Variants in TP73 observed in about 807,000 individuals in gnomAD.
TP73 encodes the protein p53-like transcription factor.
Under a neutral mutation model 62.5 loss-of-function variants are expected in TP73, and 25 were observed. The ratio of observed to expected loss-of-function variants is 0.40; its 90% CI spans 0.29 to 0.56. The LOEUF (loss-of-function observed/expected upper bound fraction) is 0.56. TP73 is among the 20% of genes least tolerant of loss of function. TP73 has a pLI of 0.46. For synonymous variants in TP73, 423 were observed against 377.5 expected (o/e 1.12, Z -1.40); for missense variants, 754 against 913.3 (o/e 0.83, Z 2.25).
In TP73 at chr1:3,733,922, T is replaced by TC. The variant is rs1399252054; in HGVS notation, c.*843_*844insC. On this transcript the variant is annotated 3_prime_UTR_variant, in exon 14 of 14. Transcript: ENST00000378295. ...CCTTTTCTACATGGTGGGTCAGCTT[T>TC]TTTTTTTTTTTTTTTAACTTTCTTT... The TC allele has an allele frequency of 4.7e-5, 7 of 149,790 alleles. No homozygotes were observed. Among genetic ancestry groups the TC allele is most frequent in the African/African-American group, 1.7e-4 (7 of 40,282 alleles). The allele number at this position is 149,790 out of a possible 1,614,324, so 9.3% of individuals were successfully genotyped here. A position where few individuals can be genotyped will look rare whatever the true frequency, so the allele number is the denominator to read the frequency against.
At chr1:3,661,986 G>A (rs1645003793) in intron 1 of TP73, among the ~76,000 whole-genome samples, 1 of 151,364 alleles carries the variant, frequency 6.6e-6, no homozygotes, top group African/African-American at 2.4e-5. Context: ...TTGAAGCCCA[G>A]GAGTTGAGGC....
intron 1 of TP73, among the ~76,000 whole-genome samples, chr1:3,681,572 G>A (rs2102085543): frequency 1.3e-5 from 2 of 152,318 alleles, no homozygotes; most frequent in South Asian, 4.1e-4. Context: ...GTGGCCGGCT[G>A]CAGGACAGGG....
chr1:3,684,333 G>A lies in TP73; in HGVS notation c.186+1153G>A, dbSNP rs983097302. On this transcript the variant is annotated intron_variant, in intron 3 of 13. Coordinates refer to ENST00000378295, the MANE Select transcript of TP73 (RefSeq NM_005427.4). The stretch of plus-strand genomic sequence containing the variant: ...AACAGCGCGTCTGGGGCAGGGTCGG[G>A]CCTCCCTCACTTATGCTCAGCCCGA... Among the ~76,000 whole-genome samples the A allele has an allele frequency of 1.2e-4, 19 of 152,244 alleles. 1 individual carries two copies. The highest frequency in any genetic ancestry group is 2.5e-4 in the Non-Finnish European group (17 of 68,046).
At chr1:3,717,144 T>TGGGAG (rs1294085915) in intron 4 of TP73, among the ~76,000 whole-genome samples, 1 of 152,230 alleles carries the variant, frequency 6.6e-6, no homozygotes, top group Non-Finnish European at 1.5e-5. Context: ...TATTATCACC[T>TGGGAG]CTCCGCTGTC....
intron 1 of TP73, among the ~76,000 whole-genome samples, chr1:3,678,459 G>A (rs1458114243): frequency 2.6e-5 from 4 of 152,256 alleles, no homozygotes; most frequent in South Asian, 4.1e-4. Flanking sequence ...GGTTGGGGGA[G>A]CCCCTGCCTG....
intron 1 of TP73, among the ~76,000 whole-genome samples, chr1:3,681,307 G>T (rs1645514827): frequency 6.6e-6 from 1 of 152,202 alleles, no homozygotes; most frequent in African/African-American, 2.4e-5. Context: ...GACCTGGGAG[G>T]CTGGCCCAGG....
At chr1:3,697,278 C>T (rs890802211) in intron 3 of TP73, among the ~76,000 whole-genome samples, 3 of 152,236 alleles carry the variant, frequency 2.0e-5, no homozygotes, top group Non-Finnish European at 4.4e-5. Flanking sequence ...CCAGAGGGAG[C>T]GCTTTGCAGC....
chr1:3,690,427 G>A (rs1020635058), intron 3 of TP73, among the ~76,000 whole-genome samples: 3 of 152,178 alleles, frequency 2.0e-5, no homozygotes, highest in Non-Finnish European at 4.4e-5. Flanking sequence ...CAGCCCTCAT[G>A]CCTGGGAACA....
At chr1:3,687,825 G>A (rs1436420016) in intron 3 of TP73, among the ~76,000 whole-genome samples, 3 of 152,170 alleles carry the variant, frequency 2.0e-5, no homozygotes, top group Non-Finnish European at 4.4e-5. Flanking sequence ...ACAGAGCGGG[G>A]TCTACAGCTG....
Position 3,683,118 on chromosome 1 carries a change from G to A in TP73, c.124G>A (p.Val42Met), listed in dbSNP as rs770017801. 6.2e-7 allele frequency: 1 copy of A among 1,612,772 alleles called. No homozygotes were observed. Among genetic ancestry groups the A allele is most frequent in the Admixed American group, 1.7e-5 (1 of 59,996 alleles). ...GTCAAGCCGGGGGAATAATGAGGTG[G>A]TGGGCGGAACGGATTCCAGCATGGA... ...PQSSRGNNEV[V>M]GGTDSSMDVF... Residue 42 changes from valine (V) to methionine (M), a missense_variant, in exon 3 of 14, where the codon GTG becomes ATG. Physicochemically the swap from Val to Met is conservative, Grantham distance 21 (BLOSUM62 1). Around this residue, in one of 3 missense-constraint regions of TP73, gnomAD observed 235 missense variants for 251.4 expected, o/e 0.93. Coordinates refer to ENST00000378295, the MANE Select transcript of TP73 (RefSeq NM_005427.4).
At chr1:3,706,380 G>C (rs57747154) in intron 3 of TP73, among the ~76,000 whole-genome samples, 1 of 124,408 alleles carries the variant, frequency 8.0e-6, no homozygotes, top group African/African-American at 3.4e-5. Context: ...GCCCGGGGAG[G>C]GGGGTAATAG....
intron 4 of TP73, chr1:3,708,559 CCA>C (rs1639868582): frequency 6.6e-6 from 1 of 152,562 alleles, no homozygotes; most frequent in South Asian, 2.1e-4. Context: ...AGTGGTTCGC[CCA>C]GAGTTCTGCT....
Position 3,661,801 on chromosome 1 carries a change from TATATA to T in TP73, c.-34+9166_-34+9170del, listed in dbSNP as rs200872526. Among the ~76,000 whole-genome samples the T allele has an allele frequency of 7.1e-3, 1,047 of 147,954 alleles. 6 individuals carry two copies. Among genetic ancestry groups the T allele is most frequent in the African/African-American group, 0.02 (833 of 40,756 alleles). ...ATGTATTATATATATACATACACTA[TATATA>T]ATATATGTATTATATATATACACGC... On this transcript the variant is annotated intron_variant, in intron 1 of 13. Coordinates refer to ENST00000378295, the MANE Select transcript of TP73 (RefSeq NM_005427.4).
intron 1 of TP73, among the ~76,000 whole-genome samples, chr1:3,669,557 G>A (rs1380439535): frequency 6.6e-6 from 1 of 152,248 alleles, no homozygotes; most frequent in African/African-American, 2.4e-5. Flanking sequence ...TTCCCGGCTG[G>A]GGGCCGCCAT....
rs1402019740 is a variant in TP73 at position 3,734,483 on chromosome 1, A to C, written c.*1404A>C. 1 of 152,230 alleles carries C rather than the reference A, an allele frequency of 6.6e-6. No individual in the cohort carries two copies. Among genetic ancestry groups the C allele is most frequent in the East Asian group, 1.9e-4 (1 of 5,176 alleles). The allele number at this position is 152,230 out of a possible 1,614,324, so 9.4% of individuals were successfully genotyped here. A position where few individuals can be genotyped will look rare whatever the true frequency, so the allele number is the denominator to read the frequency against. On this transcript the variant is annotated 3_prime_UTR_variant, in exon 14 of 14. Coordinates refer to ENST00000378295, the MANE Select transcript of TP73 (RefSeq NM_005427.4). This position sits in a 1 kb window ranked among gnomAD's most constrained non-coding sequence, Gnocchi z 4.4. ...CCTCACCCACGCAAGCCGAGACACCACCCAGAGTGCAGGCTGCCTGGCCCC... is the reference window on the plus strand; with the variant it reads ...CCTCACCCACGCAAGCCGAGACACCCCCCAGAGTGCAGGCTGCCTGGCCCC...
At chr1:3,713,843 G>A (rs1164883284) in intron 4 of TP73, among the ~76,000 whole-genome samples, 5 of 152,328 alleles carry the variant, frequency 3.3e-5, no homozygotes, top group Middle Eastern at 3.4e-3. Context: ...CAGGGGTTAC[G>A]ATGGGGCTGC....
At chr1:3,731,192 C>T (rs546895374) in intron 12 of TP73, 127 bp downstream of exon 12, 27 of 1,342,388 alleles carry the variant, frequency 2.0e-5, no homozygotes, top group South Asian at 4.2e-5. Context: ...ATCAGACAGG[C>T]GGGCGGGGGC....
intron 4 of TP73, among the ~76,000 whole-genome samples, chr1:3,721,603 C>A (rs1421990491): frequency 6.6e-6 from 1 of 152,254 alleles, no homozygotes; most frequent in Non-Finnish European, 1.5e-5. Flanking sequence ...TTCAATGCTG[C>A]AAACCCACCT....
At chr1:3,657,043 A>T (rs1418308175) in intron 1 of TP73, among the ~76,000 whole-genome samples, 1 of 152,254 alleles carries the variant, frequency 6.6e-6, no homozygotes, top group Non-Finnish European at 1.5e-5. Flanking sequence ...GACTTAATGT[A>T]TGAACAAAGA....
Sources: allele counts gnomAD v4.1 joint callset (sites outside exome capture counted in the v4.1 genomes callset), GRCh38; gene constraint gnomAD v4.1.1; regional missense constraint gnomAD v4.1.1; non-coding constraint Gnocchi (gnomAD v3.1); transcripts MANE v1.5; gene names NCBI Gene and HGNC (gene_info 2026-07-23, HGNC 2026-07-21).